The following CFAP61 variants were observed in gnomAD, a reference collection of about 807,000 sequenced individuals.
CFAP61 encodes cilia and flagella associated protein 61.
A neutral mutation model predicts 135.6 loss-of-function variants in CFAP61; 107 were observed. The observed-to-expected ratio is 0.79, with a 90% CI of 0.67 to 0.93. The LOEUF (loss-of-function observed/expected upper bound fraction) is 0.93. Ranked by LOEUF, CFAP61 falls within the 40% of genes least tolerant of loss-of-function variation. The probability of loss-of-function intolerance (pLI) is 0.00; values close to 1 mark genes in which losing one functional copy is unlikely to be tolerated. For synonymous variants in CFAP61, 575 were observed against 578.5 expected, an observed-to-expected ratio of 0.99 and a Z score of 0.09; for missense variants, 1,507 against 1,556.2, an observed-to-expected ratio of 0.97 and a Z score of 0.53.
chr20:20,352,118 C>T (rs560541571), intron 26 of CFAP61, among the ~76,000 whole-genome samples: 7 of 152,190 alleles, frequency 4.6e-5, no homozygotes, highest in Admixed American at 1.3e-4. Flanking sequence ...TCCATATGGC[C>T]GGGGAAGCCT....
chr20:20,097,633 G>A (rs549811241), intron 7 of CFAP61, among the ~76,000 whole-genome samples: 2 of 152,196 alleles, frequency 1.3e-5, no homozygotes, highest in African/African-American at 2.4e-5. Context: ...TCTCGCCTAT[G>A]TATTACTCAT....
At chr20:20,283,746 C>T (rs1431735335) in intron 22 of CFAP61, among the ~76,000 whole-genome samples, 3 of 152,250 alleles carry the variant, frequency 2.0e-5, no homozygotes, top group African/African-American at 7.2e-5. Context: ...GCTGGCCCAG[C>T]CAGGGGCTAC....
chr20:20,217,090 A>G (rs1210104025), intron 17 of CFAP61, among the ~76,000 whole-genome samples: 1 of 152,188 alleles, frequency 6.6e-6, no homozygotes, highest in Non-Finnish European at 1.5e-5. Context: ...AGGCTATTCC[A>G]TTGAATCTGA....
At chr20:20,247,189 G>T (rs565774337) in intron 19 of CFAP61, among the ~76,000 whole-genome samples, 8 of 152,248 alleles carry the variant, frequency 5.3e-5, no homozygotes, top group African/African-American at 1.9e-4. Flanking sequence ...ACCAACTTCT[G>T]GCCAAGAACA....
chr20:20,165,146 A>G (rs1019055099), intron 11 of CFAP61, among the ~76,000 whole-genome samples: 8 of 152,304 alleles, frequency 5.3e-5, no homozygotes, highest in African/African-American at 1.9e-4. Context: ...GGAGTGCCCC[A>G]TCCTGGGCCT....
chr20:20,297,613 C>A (rs1228119543), intron 24 of CFAP61, among the ~76,000 whole-genome samples: 2 of 152,198 alleles, frequency 1.3e-5, no homozygotes, highest in Non-Finnish European at 2.9e-5. Flanking sequence ...AATTTGTAAA[C>A]CAGAAAACCA....
chr20:20,237,600 T>A (rs1459136475), intron 18 of CFAP61, among the ~76,000 whole-genome samples: 1 of 152,218 alleles, frequency 6.6e-6, no homozygotes, highest in African/African-American at 2.4e-5. Flanking sequence ...TTTGTGGCCA[T>A]GGATGCAGCT....
At chr20:20,203,091 G>A (rs2056699807) in intron 17 of CFAP61, among the ~76,000 whole-genome samples, 1 of 152,056 alleles carries the variant, frequency 6.6e-6, no homozygotes, top group Non-Finnish European at 1.5e-5. Flanking sequence ...CCTAATTCCT[G>A]CCTGGTTTGG....
chr20:20,256,190 T>G (rs965171903), intron 20 of CFAP61, among the ~76,000 whole-genome samples: 6 of 152,178 alleles, frequency 3.9e-5, no homozygotes, highest in African/African-American at 1.4e-4. Flanking sequence ...ATAAAAGAAT[T>G]GCTCATCCAA....
intron 6 of CFAP61, among the ~76,000 whole-genome samples, chr20:20,075,855 G>C (rs1358782976): frequency 6.6e-6 from 1 of 151,902 alleles, no homozygotes; most frequent in African/African-American, 2.4e-5. Flanking sequence ...ACTCCTTAGG[G>C]GTTTCTGAAA....
intron 8 of CFAP61, among the ~76,000 whole-genome samples, chr20:20,124,840 G>A (rs573692202): frequency 2.0e-5 from 3 of 151,680 alleles, no homozygotes; most frequent in Admixed American, 2.0e-4. Flanking sequence ...CTGTGAATCT[G>A]TCTGGTCCTG....
intron 6 of CFAP61, chr20:20,085,106 G>A (rs963428208): frequency 1.1e-5 from 11 of 985,424 alleles, no homozygotes; most frequent in South Asian, 4.7e-5. Flanking sequence ...ACTCTGTGCT[G>A]ATCTATAAAC....
At chr20:20,144,044 G>C (rs1005670374) in intron 9 of CFAP61, among the ~76,000 whole-genome samples, 2 of 152,154 alleles carry the variant, frequency 1.3e-5, no homozygotes, top group African/African-American at 4.8e-5. Flanking sequence ...GTTCTAGAGA[G>C]GGCACCGCTC....
intron 17 of CFAP61, among the ~76,000 whole-genome samples, chr20:20,200,531 A>G (rs778887269): frequency 6.6e-6 from 1 of 152,228 alleles, no homozygotes; most frequent in Non-Finnish European, 1.5e-5. Flanking sequence ...ATGTACCTGT[A>G]TACATACACA....
intron 13 of CFAP61, among the ~76,000 whole-genome samples, chr20:20,177,304 A>G (rs573981760): frequency 7.5e-6 from 1 of 133,146 alleles, no homozygotes; most frequent in East Asian, 2.0e-4. Context: ...GAATGCTTTC[A>G]TTTGGAAAGG....
intron 8 of CFAP61, among the ~76,000 whole-genome samples, chr20:20,131,162 T>G (rs960586086): frequency 3.3e-5 from 5 of 151,780 alleles, no homozygotes; most frequent in African/African-American, 1.2e-4. Flanking sequence ...AACTGTCTCT[T>G]TCTCATATTT....
intron 25 of CFAP61, among the ~76,000 whole-genome samples, chr20:20,327,726 C>T (rs1161245088): frequency 5.5e-5 from 7 of 128,244 alleles, no homozygotes; most frequent in African/African-American, 2.1e-4. Flanking sequence ...AAGGTGATTT[C>T]CTGGAAGAAA....
chr20:20,052,789 G>T, intron 1 of CFAP61, 198 bp downstream of exon 1: 1 of 1,452,974 alleles, frequency 6.9e-7, no homozygotes, highest in South Asian at 1.3e-5. Flanking sequence ...GGAGAGCGAG[G>T]AAACTACCAT....
intron 25 of CFAP61, among the ~76,000 whole-genome samples, chr20:20,337,584 G>GGATAGA (rs747312053): frequency 1.3e-3 from 2 of 1,548 alleles, no homozygotes; most frequent in Non-Finnish European, 5.4e-3. Flanking sequence ...ATGGATAGAT[G>GGATAGA]TGGGTGGATG....
Sources: gnomAD v4.1 joint callset for allele counts (sites outside exome capture counted in the v4.1 genomes callset) on GRCh38, gnomAD v4.1.1 for gene constraint, MANE v1.5 for transcripts, NCBI Gene and HGNC (gene_info 2026-07-23, HGNC 2026-07-21) for gene names.